Variants in PRDM6 observed in about 807,000 individuals in gnomAD.
The protein encoded by PRDM6 is putative histone-lysine N-methyltransferase PRDM6.
In PRDM6, 25 loss-of-function variants were observed where a neutral mutation model predicts 60.8. The observed-to-expected ratio is 0.41, with a 90% CI of 0.30 to 0.57. The LOEUF (loss-of-function observed/expected upper bound fraction) is 0.57. PRDM6 is among the 20% of genes least tolerant of loss of function. PRDM6 has a pLI of 0.27. For missense variants in PRDM6, 839 were observed against 821.3 expected, an observed-to-expected ratio of 1.02 and a Z score of -0.26; for synonymous variants, 407 against 357.4, an observed-to-expected ratio of 1.14 and a Z score of -1.57.
chr5:123,154,256 C>T, intron 3 of PRDM6, among the ~76,000 whole-genome samples: 1 of 152,156 alleles, frequency 6.6e-6, no homozygotes, highest in East Asian at 1.9e-4. Flanking sequence ...GATGTAGCCA[C>T]CCCATGCAAT....
At chr5:123,175,366 A>G (rs1315546497) in intron 6 of PRDM6, among the ~76,000 whole-genome samples, 1 of 152,172 alleles carries the variant, frequency 6.6e-6, no homozygotes, top group Non-Finnish European at 1.5e-5. Flanking sequence ...ATTGTTTGTA[A>G]GAGATGTGGT....
intron 6 of PRDM6, among the ~76,000 whole-genome samples, chr5:123,179,548 A>G (rs902053671): frequency 3.3e-5 from 5 of 152,186 alleles, no homozygotes; most frequent in South Asian, 2.1e-4. Context: ...TAAAACACAC[A>G]TGTAACTTGC....
intron 3 of PRDM6, among the ~76,000 whole-genome samples, chr5:123,120,531 T>C (rs1448141710): frequency 3.0e-5 from 1 of 33,696 alleles, no homozygotes; most frequent in Non-Finnish European, 8.5e-5. Context: ...ATGATGTTCA[T>C]TACCAAAAAT....
Position 123,191,839 on chromosome 5 carries a change from G to C in PRDM6, c.*4638G>C, listed in dbSNP as rs1766438911. 6.6e-6 allele frequency: 1 copy of C among 152,176 alleles called. No homozygotes were observed. Among genetic ancestry groups the C allele is most frequent in the African/African-American group, 2.4e-5 (1 of 41,430 alleles). 9.4% of individuals were successfully genotyped at this position (152,176 alleles called of 1,614,324 possible). On this transcript the variant is annotated 3_prime_UTR_variant, in exon 8 of 8. Coordinates refer to ENST00000407847, the MANE Select transcript of PRDM6 (RefSeq NM_001136239.4). Reference sequence around the variant, plus strand: ...ATCAGCTGTCAGGTACAACTGGCCAGACAGAGCCAAACTGAAAAGAATATT... The same window carrying C: ...ATCAGCTGTCAGGTACAACTGGCCACACAGAGCCAAACTGAAAAGAATATT...
chr5:123,191,481 T>A lies in PRDM6; in HGVS notation c.*4280T>A, dbSNP rs1174449498. On this transcript the variant is annotated 3_prime_UTR_variant, in exon 8 of 8. Coordinates refer to ENST00000407847, the MANE Select transcript of PRDM6 (RefSeq NM_001136239.4). Reference sequence around the variant, plus strand: ...AAATAAATAATCACATTTCCTGAAATGTTTATCTGTTTCTTCCTTGACATG... The same window carrying A: ...AAATAAATAATCACATTTCCTGAAAAGTTTATCTGTTTCTTCCTTGACATG... 2.6e-5 allele frequency: 4 copies of A among 152,154 alleles called. No individual in the cohort carries two copies. The highest frequency in any genetic ancestry group is 4.4e-5 in the Non-Finnish European group (3 of 68,028). 9.4% of individuals were successfully genotyped at this position (152,154 alleles called of 1,614,324 possible).
At chr5:123,095,699 A>C (rs1034877559) in intron 2 of PRDM6, among the ~76,000 whole-genome samples, 4 of 151,892 alleles carry the variant, frequency 2.6e-5, no homozygotes, top group African/African-American at 9.7e-5. Context: ...CTTTTCACCT[A>C]CTCCTTGCTT....
intron 3 of PRDM6, among the ~76,000 whole-genome samples, chr5:123,146,004 T>C (rs553150810): frequency 1.3e-5 from 2 of 152,318 alleles, no homozygotes; most frequent in Admixed American, 6.5e-5. Context: ...TAGGGCATAG[T>C]GTGTGTCTGC....
chr5:123,165,735 C>G (rs1231780255), intron 5 of PRDM6, among the ~76,000 whole-genome samples: 1 of 152,154 alleles, frequency 6.6e-6, no homozygotes, highest in Non-Finnish European at 1.5e-5. Flanking sequence ...CGTATTCCCC[C>G]TTTTATTCTC....
rs561131382 is a variant in PRDM6, at chr5:123,153,044, G to T, written c.901-2840G>T. On this transcript the variant is annotated intron_variant, in intron 3 of 7. Transcript: ENST00000407847. ...GAGAAAGAACAGACCAAAAGCAATG[G>T]TTTGAAAATAGCAGCAACAACAATC... is the stretch of plus-strand genomic sequence containing the variant. Among the ~76,000 whole-genome samples the T allele has an allele frequency of 1.4e-4, 22 of 152,224 alleles. No individual in the cohort carries two copies. The South Asian group carries it at 4.6e-3, about 32-fold the overall frequency.
intron 3 of PRDM6, among the ~76,000 whole-genome samples, chr5:123,139,073 G>A (rs911959684): frequency 1.3e-5 from 2 of 152,112 alleles, no homozygotes; most frequent in Non-Finnish European, 2.9e-5. Context: ...GCCTCCTTGT[G>A]AAAAAAGTAC....
At chr5:123,098,721 T>C (rs970760488) in intron 2 of PRDM6, among the ~76,000 whole-genome samples, 7 of 152,364 alleles carry the variant, frequency 4.6e-5, no homozygotes, top group Middle Eastern at 3.4e-3. Flanking sequence ...GGGCAGGAGT[T>C]GGTGCCTTCT....
At chr5:123,131,525 G>A (rs1174702718) in intron 3 of PRDM6, among the ~76,000 whole-genome samples, 1 of 152,118 alleles carries the variant, frequency 6.6e-6, no homozygotes, top group Non-Finnish European at 1.5e-5. Context: ...CGTATGCCTG[G>A]CATTGTTCTG....
At chr5:123,146,172 T>A (rs1259770973) in intron 3 of PRDM6, among the ~76,000 whole-genome samples, 1 of 152,202 alleles carries the variant, frequency 6.6e-6, no homozygotes, top group African/African-American at 2.4e-5. Context: ...TATTTTTCAG[T>A]AGCTACCAGG....
intron 3 of PRDM6, among the ~76,000 whole-genome samples, chr5:123,117,765 A>G (rs576654463): frequency 3.3e-5 from 3 of 91,172 alleles, no homozygotes; most frequent in African/African-American, 8.3e-5. Context: ...GAAGGCCTAA[A>G]CAGCATTTGC....
chr5:123,092,685 G>T (rs1763868361), intron 2 of PRDM6, among the ~76,000 whole-genome samples: 1 of 152,192 alleles, frequency 6.6e-6, no homozygotes, highest in Non-Finnish European at 1.5e-5. Flanking sequence ...CAGGGGAAAA[G>T]ACAGAAGGGA....
Position 123,170,845 on chromosome 5 carries a change from C to A in PRDM6, c.1233C>A (p.Ala411=). 1.9e-6 allele frequency: 3 copies of A among 1,552,254 alleles called. No individual in the cohort carries two copies. The highest frequency in any genetic ancestry group is 2.6e-6 in the Non-Finnish European group (3 of 1,147,124). ...CCTTCAACAAAAGCAGCAAACTCGCCCCTACCACCCAGCAGCGCTCCGTTG... is the reference window on the plus strand; with the variant it reads ...CCTTCAACAAAAGCAGCAAACTCGCACCTACCACCCAGCAGCGCTCCGTTG... The part of the protein sequence containing the change: ...LQPFNKSSKL[A]PTTQQRSVVF... The change falls in exon 6 of 8, where the codon GCC becomes GCA. Residue 411 remains alanine, a synonymous_variant. Transcript: ENST00000407847.
At chr5:123,150,950 G>A (rs1195649495) in intron 3 of PRDM6, among the ~76,000 whole-genome samples, 1 of 152,172 alleles carries the variant, frequency 6.6e-6, no homozygotes, top group Non-Finnish European at 1.5e-5. Flanking sequence ...TTTAATCCTA[G>A]TTGTTAATAC....
At chr5:123,178,994 A>T (rs1396208811) in intron 6 of PRDM6, among the ~76,000 whole-genome samples, 2 of 152,200 alleles carry the variant, frequency 1.3e-5, no homozygotes, top group Non-Finnish European at 2.9e-5. Flanking sequence ...GAATGCTGTT[A>T]ATATCCCTCA....
chr5:123,108,137 G>C, intron 3 of PRDM6, among the ~76,000 whole-genome samples: 1 of 152,020 alleles, frequency 6.6e-6, no homozygotes, highest in Non-Finnish European at 1.5e-5. Context: ...GTGAAATAAT[G>C]ATATGGGATT....
Sources: allele counts gnomAD v4.1 joint callset (sites outside exome capture counted in the v4.1 genomes callset), GRCh38; gene constraint gnomAD v4.1.1; transcripts MANE v1.5; gene names NCBI Gene and HGNC (gene_info 2026-07-23, HGNC 2026-07-21).